PALM2AKAP2: variants seen among roughly 807,000 people sequenced by gnomAD.
PALM2AKAP2 encodes PALM2 and AKAP2 fusion, also known as PALM2-AKAP2 fusion protein.
Under a neutral mutation model 71.5 loss-of-function variants are expected in PALM2AKAP2, and 37 were observed. That is an observed-to-expected ratio of 0.52 (90% CI 0.40 to 0.68). The LOEUF (loss-of-function observed/expected upper bound fraction) is 0.68, where lower values mean the gene tolerates loss of function less well. Ranked by LOEUF, PALM2AKAP2 falls within the 30% of genes least tolerant of loss-of-function variation. The pLI, the probability that PALM2AKAP2 is intolerant of heterozygous loss-of-function variation, is 0.00. For synonymous variants in PALM2AKAP2, 468 were observed against 478.8 expected, an observed-to-expected ratio of 0.98 and a Z score of 0.29; for missense variants, 1,224 against 1,191.8, an observed-to-expected ratio of 1.03 and a Z score of -0.40.
chr9:109,882,648 CTTTTT>C (rs1304219109), intron 3 of PALM2AKAP2, among the ~76,000 whole-genome samples: 1 of 147,792 alleles, frequency 6.8e-6, no homozygotes, highest in African/African-American at 2.5e-5. Flanking sequence ...CTTTTTGTTT[CTTTTT>C]TTTTTAAGAG....
At chr9:109,954,658 T>TAAA (rs56743395) in intron 6 of PALM2AKAP2, among the ~76,000 whole-genome samples, 4,715 of 106,510 alleles carry the variant, frequency 0.044, 53 homozygotes, top group African/African-American at 0.072. Context: ...TAAAGTATAA[T>TAAA]AAAAAAAAAA....
chr9:110,125,285 C>T (rs908021992), intron 1 of PALM2AKAP2, among the ~76,000 whole-genome samples: 4 of 152,202 alleles, frequency 2.6e-5, no homozygotes, highest in African/African-American at 4.8e-5. Flanking sequence ...TTCACCTCAA[C>T]GCCGCCAGCT....
At chr9:109,972,677 T>C (rs772585308) in intron 6 of PALM2AKAP2, among the ~76,000 whole-genome samples, 48 of 152,188 alleles carry the variant, frequency 3.2e-4, no homozygotes, top group Admixed American at 4.6e-4. Flanking sequence ...GGTGTGCATA[T>C]GACCCCACCA....
At chr9:109,991,744 G>A (rs1284740705) in intron 6 of PALM2AKAP2, among the ~76,000 whole-genome samples, 1 of 152,168 alleles carries the variant, frequency 6.6e-6, no homozygotes, top group Non-Finnish European at 1.5e-5. Flanking sequence ...CAGCTCTATG[G>A]CTGCAGACAT....
chr9:110,120,285 C>G (rs1040870513), intron 1 of PALM2AKAP2, among the ~76,000 whole-genome samples: 1 of 152,174 alleles, frequency 6.6e-6, no homozygotes, highest in African/African-American at 2.4e-5. Flanking sequence ...AGATACCATG[C>G]CTGAGGCAGA....
chr9:110,124,325 C>T (rs1461540082), intron 1 of PALM2AKAP2, among the ~76,000 whole-genome samples: 1 of 152,176 alleles, frequency 6.6e-6, no homozygotes, highest in African/African-American at 2.4e-5. Flanking sequence ...CCCAAATGAG[C>T]TGGCCCCACA....
Position 109,662,628 on chromosome 9 carries a change from CT to C in PALM2AKAP2, c.5+21770del, listed in dbSNP as rs201821797. Among the ~76,000 whole-genome samples the C allele has an allele frequency of 4.7e-3, 716 of 151,794 alleles. 9 individuals are homozygous for C. Among genetic ancestry groups the C allele is most frequent in the African/African-American group, 0.016 (682 of 41,384 alleles). On this transcript the variant is annotated intron_variant, in intron 1 of 6. Transcript: ENST00000374531. ...ATCAGGGATATTGGTCTAAAATTCT[CT>C]TTTTTTTGTTGTGTCTCTGCCAGGT... is the stretch of plus-strand genomic sequence containing the variant.
chr9:109,677,298 A>G (rs1024230265), intron 1 of PALM2AKAP2, among the ~76,000 whole-genome samples: 2 of 152,294 alleles, frequency 1.3e-5, no homozygotes, highest in African/African-American at 4.8e-5. Flanking sequence ...TGGATCCTTG[A>G]GTTCTCAAGT....
rs180921610 is a variant in PALM2AKAP2, at chr9:109,868,521, C to T, written c.126+950C>T. 2.2e-3 allele frequency among the ~76,000 whole-genome samples: 337 copies of T among 152,150 alleles called. 1 individual carries two copies. The highest frequency in any genetic ancestry group is 7.2e-3 in the African/African-American group (298 of 41,498). On this transcript the variant is annotated intron_variant, in intron 2 of 9. Transcript: ENST00000302798. ...TGGTGCTGACTTTCGGGGTGATGCTCGGTATGAATTATCTAGATTTTTTTC... is the reference window on the plus strand; with the variant it reads ...TGGTGCTGACTTTCGGGGTGATGCTTGGTATGAATTATCTAGATTTTTTTC...
rs1830041050 is a variant in PALM2AKAP2, at chr9:109,889,613, G to A, written c.257+8932G>A. Among the ~76,000 whole-genome samples the A allele has an allele frequency of 2.0e-5, 3 of 152,262 alleles. No individual in the cohort carries two copies. The South Asian group carries it at 6.2e-4, about 32-fold the overall frequency. ...ATGCTTAGGGTTTGTGGTCAGCTTT[G>A]CAAGCTGGCACAGGTAAGGGAGGAA... On this transcript the variant is annotated intron_variant, in intron 3 of 9. Coordinates refer to the PALM2AKAP2 transcript ENST00000302798.
intron 1 of PALM2AKAP2, among the ~76,000 whole-genome samples, chr9:109,741,605 A>G (rs1828716624): frequency 6.6e-6 from 1 of 152,192 alleles, no homozygotes; most frequent in South Asian, 2.1e-4. Context: ...ATTGTTCCAC[A>G]TGTTCACTGA....
chr9:109,756,504 A>T (rs1000016585), intron 1 of PALM2AKAP2, among the ~76,000 whole-genome samples: 8 of 152,088 alleles, frequency 5.3e-5, no homozygotes, highest in African/African-American at 1.9e-4. Context: ...AGACATGTTC[A>T]TTGGCTTTTG....
intron 1 of PALM2AKAP2, chr9:109,847,513 G>A (rs1828894596): frequency 2.0e-5 from 3 of 152,378 alleles, no homozygotes; most frequent in Non-Finnish European, 4.4e-5. Context: ...AGGCCAAGGT[G>A]GGCAGATCAC....
intron 1 of PALM2AKAP2, among the ~76,000 whole-genome samples, chr9:109,733,133 T>G (rs1828581152): frequency 6.6e-6 from 1 of 152,100 alleles, no homozygotes; most frequent in Non-Finnish European, 1.5e-5. Flanking sequence ...GGCAGGGATT[T>G]AGAGGCCTAG....
intron 3 of PALM2AKAP2, among the ~76,000 whole-genome samples, chr9:109,899,373 T>A (rs979663611): frequency 3.9e-5 from 6 of 152,138 alleles, no homozygotes; most frequent in Admixed American, 3.9e-4. Flanking sequence ...CTTCTACACT[T>A]TTTCTTTCCC....
At chr9:110,054,171 G>A (rs1588080672) in intron 1 of PALM2AKAP2, among the ~76,000 whole-genome samples, 1 of 152,342 alleles carries the variant, frequency 6.6e-6, no homozygotes, top group East Asian at 1.9e-4. Context: ...AGGCCGAGGT[G>A]GGTGAATCAC....
chr9:110,067,049 A>G (rs1588088074), intron 1 of PALM2AKAP2, among the ~76,000 whole-genome samples: 2 of 152,228 alleles, frequency 1.3e-5, no homozygotes. Flanking sequence ...CTTTCTTTGC[A>G]CTGGGAAGAT....
intron 6 of PALM2AKAP2, among the ~76,000 whole-genome samples, chr9:109,982,270 T>G (rs1472735887): frequency 6.6e-6 from 1 of 152,080 alleles, no homozygotes; most frequent in Non-Finnish European, 1.5e-5. Flanking sequence ...CTCATGGACA[T>G]AGAGAGTAGA....
intron 3 of PALM2AKAP2, among the ~76,000 whole-genome samples, chr9:110,158,740 G>T (rs1836524395): frequency 6.6e-6 from 1 of 152,222 alleles, no homozygotes; most frequent in African/African-American, 2.4e-5. Context: ...TAATTAAGCT[G>T]TTAATATCCC....
Sources: allele counts gnomAD v4.1 joint callset (sites outside exome capture counted in the v4.1 genomes callset), GRCh38; gene constraint gnomAD v4.1.1; transcripts MANE v1.5; gene names NCBI Gene and HGNC (gene_info 2026-07-23, HGNC 2026-07-21).